Variants in FRMD4A observed in about 807,000 individuals in gnomAD.
FRMD4A encodes the protein FERM domain containing 4A.
In FRMD4A, 29 loss-of-function variants were observed where a neutral mutation model predicts 129.1. The ratio of observed to expected loss-of-function variants is 0.22; its 90% CI spans 0.17 to 0.31. FRMD4A has a LOEUF of 0.31. FRMD4A is among the 10% of genes least tolerant of loss of function. The pLI is 1.00. For synonymous variants in FRMD4A, 634 were observed against 571.6 expected (o/e 1.11, Z -1.56); for missense variants, 1,272 against 1,375.8 (o/e 0.92, Z 1.19).
chr10:13,915,771 G>A (rs989330271), intron 2 of FRMD4A, among the ~76,000 whole-genome samples: 1 of 152,068 alleles, frequency 6.6e-6, no homozygotes, highest in African/African-American at 2.4e-5. Context: ...GGAAGCGGTG[G>A]GTGAGTGTCC....
intron 2 of FRMD4A, chr10:14,007,427 T>C (rs1176702269): frequency 6.6e-6 from 1 of 152,376 alleles, no homozygotes; most frequent in Non-Finnish European, 1.5e-5. Context: ...CAAATCCTTA[T>C]TATTACTTTA....
At position 14,116,609 on chromosome 10, in the gene FRMD4A, G is replaced by A. The variant is rs561652232; in HGVS notation, c.45+213449C>T. Among the ~76,000 whole-genome samples the A allele has an allele frequency of 3.5e-4, 53 of 152,286 alleles. No individual in the cohort carries two copies. The South Asian group carries it at 0.011, about 32-fold the overall frequency. ...GGTCTGGGGGCTAAAAGGAGACTCA[G>A]TGGGTTACAGAACTCAGCTTCCTCA... On this transcript the variant is annotated intron_variant, in intron 2 of 24. Coordinates refer to ENST00000357447, the MANE Select transcript of FRMD4A (RefSeq NM_018027.5).
At chr10:13,934,196 T>C (rs1042124707) in intron 2 of FRMD4A, among the ~76,000 whole-genome samples, 1 of 152,192 alleles carries the variant, frequency 6.6e-6, no homozygotes, top group Non-Finnish European at 1.5e-5. Flanking sequence ...AAGTGCTTTG[T>C]TTTAGAGACA....
chr10:13,778,034 C>T (rs1384815164), intron 6 of FRMD4A, among the ~76,000 whole-genome samples: 1 of 151,944 alleles, frequency 6.6e-6, no homozygotes, highest in African/African-American at 2.4e-5. Flanking sequence ...AACTCCTGAC[C>T]TCTTGATCCA....
chr10:13,927,219 C>G (rs1438700576), intron 2 of FRMD4A, among the ~76,000 whole-genome samples: 1 of 150,708 alleles, frequency 6.6e-6, no homozygotes, highest in Non-Finnish European at 1.5e-5. Context: ...TGCCACTGCA[C>G]TACAGCCTGA....
intron 2 of FRMD4A, among the ~76,000 whole-genome samples, chr10:14,105,051 A>T (rs12243827): frequency 0.11 from 17,209 of 152,168 alleles, 3,058 homozygotes; most frequent in African/African-American, 0.38. Context: ...CCAGATCCTT[A>T]CGCGTGGAGT....
intron 3 of FRMD4A, among the ~76,000 whole-genome samples, chr10:13,826,067 C>G (rs763867813): frequency 6.6e-6 from 1 of 152,234 alleles, no homozygotes; most frequent in Non-Finnish European, 1.5e-5. Context: ...TCACTTTGAA[C>G]ATTGCAACAA....
chr10:14,240,151 G>A (rs149607371), intron 2 of FRMD4A, among the ~76,000 whole-genome samples: 4 of 152,124 alleles, frequency 2.6e-5, no homozygotes, highest in Non-Finnish European at 5.9e-5. Context: ...CATTATTCTC[G>A]CCCATGCTCT....
chr10:13,765,436 T>A (rs1039930986), intron 6 of FRMD4A, among the ~76,000 whole-genome samples: 1 of 152,104 alleles, frequency 6.6e-6, no homozygotes, highest in Non-Finnish European at 1.5e-5. Context: ...ATTTTGTAAT[T>A]ATTTTTTGAG....
At chr10:13,848,607 T>C (rs1264846089) in intron 3 of FRMD4A, among the ~76,000 whole-genome samples, 1 of 93,484 alleles carries the variant, frequency 1.1e-5, no homozygotes, top group Non-Finnish European at 2.5e-5. Context: ...TGTGTGTGTG[T>C]ACGTGTGTGT....
intron 2 of FRMD4A, among the ~76,000 whole-genome samples, chr10:14,122,754 A>G (rs535823112): frequency 2.0e-5 from 3 of 152,238 alleles, no homozygotes; most frequent in East Asian, 1.9e-4. Context: ...CACCTGCAAC[A>G]TTGGGGATTG....
chr10:13,724,617 CG>C (rs1340940596), intron 12 of FRMD4A, among the ~76,000 whole-genome samples: 16 of 152,168 alleles, frequency 1.1e-4, no homozygotes, highest in Non-Finnish European at 1.6e-4. Flanking sequence ...CCAAGGTCAA[CG>C]GGGCTCCCTG....
At chr10:13,723,307 C>A (rs1045035846) in intron 12 of FRMD4A, among the ~76,000 whole-genome samples, 1 of 152,216 alleles carries the variant, frequency 6.6e-6, no homozygotes, top group Non-Finnish European at 1.5e-5. Flanking sequence ...TCACTAATGT[C>A]CCTTTTCATT....
intron 2 of FRMD4A, among the ~76,000 whole-genome samples, chr10:13,878,129 G>T (rs1456128551): frequency 6.8e-6 from 1 of 146,858 alleles, no homozygotes; most frequent in Non-Finnish European, 1.5e-5. Context: ...ATGTTATGTT[G>T]TATCTGTTAG....
chr10:14,093,788 A>G (rs1336820634), intron 2 of FRMD4A, among the ~76,000 whole-genome samples: 2 of 152,226 alleles, frequency 1.3e-5, no homozygotes, highest in Admixed American at 6.5e-5. Context: ...GTCACAGCCC[A>G]TGACTCTTAG....
chr10:14,135,783 A>T (rs1839501963), intron 2 of FRMD4A, among the ~76,000 whole-genome samples: 1 of 152,234 alleles, frequency 6.6e-6, no homozygotes, highest in African/African-American at 2.4e-5. Flanking sequence ...CACTTATGGA[A>T]TATAAAGTGC....
chr10:14,169,093 G>A (rs1013494563), intron 2 of FRMD4A, among the ~76,000 whole-genome samples: 2 of 128,862 alleles, frequency 1.6e-5, no homozygotes, highest in Non-Finnish European at 3.2e-5. Flanking sequence ...ACCTATTTCT[G>A]GTTTTATTGG....
chr10:14,019,804 C>T (rs114068055), intron 2 of FRMD4A, among the ~76,000 whole-genome samples: 266 of 152,300 alleles, frequency 1.7e-3, no homozygotes, highest in African/African-American at 6.1e-3. Flanking sequence ...CCTAGAACCA[C>T]AGGCCTCTTT....
chr10:13,986,278 A>G (rs1462717729), intron 2 of FRMD4A, among the ~76,000 whole-genome samples: 6 of 151,738 alleles, frequency 4.0e-5, no homozygotes, highest in Non-Finnish European at 8.8e-5. Context: ...CTGGATTAAG[A>G]AAATGTGGCA....
Sources: allele counts gnomAD v4.1 joint callset (sites outside exome capture counted in the v4.1 genomes callset), GRCh38; gene constraint gnomAD v4.1.1; transcripts MANE v1.5; gene names NCBI Gene and HGNC (gene_info 2026-07-23, HGNC 2026-07-21).